The following GRID2 variants were observed in gnomAD, a reference collection of about 807,000 sequenced individuals.
The protein encoded by GRID2 is glutamate ionotropic receptor delta type subunit 2.
Under a neutral mutation model 114.8 loss-of-function variants are expected in GRID2, and 33 were observed. The observed-to-expected ratio is 0.29, with a 90% confidence interval of 0.22 to 0.38. The LOEUF is 0.38. Ranked by LOEUF, GRID2 falls within the 10% of genes least tolerant of loss-of-function variation. The probability of loss-of-function intolerance (pLI) is 1.00; values close to 1 mark genes in which losing one functional copy is unlikely to be tolerated. For synonymous variants in GRID2, 505 were observed against 449.9 expected, an observed-to-expected ratio of 1.12 and a Z score of -1.55; for missense variants, 1,184 against 1,257.7, an observed-to-expected ratio of 0.94 and a Z score of 0.89.
chr4:93,712,488 A>G (rs540346226), intron 14 of GRID2, among the ~76,000 whole-genome samples: 3 of 152,270 alleles, frequency 2.0e-5, no homozygotes, highest in African/African-American at 7.2e-5. Context: ...ATGTTTTATA[A>G]TTCTCCTTCT....
chr4:92,525,758 G>A (rs1725010158), intron 1 of GRID2, among the ~76,000 whole-genome samples: 1 of 152,054 alleles, frequency 6.6e-6, no homozygotes, highest in Non-Finnish European at 1.5e-5. Flanking sequence ...CCATAAGCAG[G>A]TGAAGATGCA....
chr4:92,771,461 G>A (rs545474888), intron 2 of GRID2, among the ~76,000 whole-genome samples: 10 of 152,168 alleles, frequency 6.6e-5, no homozygotes, highest in South Asian at 2.1e-4. Context: ...TAGAGTATAC[G>A]GTGGGGAGGT....
intron 2 of GRID2, among the ~76,000 whole-genome samples, chr4:92,973,517 T>C (rs2149174972): frequency 6.6e-6 from 1 of 152,282 alleles, no homozygotes; most frequent in South Asian, 2.1e-4. Context: ...AATACTATTC[T>C]ACCTCTATTA....
chr4:93,507,359 C>T (rs75904967), intron 12 of GRID2, among the ~76,000 whole-genome samples: 2,217 of 152,242 alleles, frequency 0.015, 53 homozygotes, highest in African/African-American at 0.05. Context: ...TTGGCTACGC[C>T]GTAAATAGGA....
At position 92,696,357 on chromosome 4, in the gene GRID2, C is replaced by T. The variant is rs190286804; in HGVS notation, c.244+106071C>T. Among the ~76,000 whole-genome samples the T allele has an allele frequency of 1.0e-3, 158 of 152,150 alleles. 2 individuals carry two copies. The highest frequency in any genetic ancestry group is 6.8e-3 in the Middle Eastern group (2 of 294). On this transcript the variant is annotated intron_variant, in intron 2 of 15. Coordinates refer to ENST00000282020, the MANE Select transcript of GRID2 (RefSeq NM_001510.4). The stretch of plus-strand genomic sequence containing the variant: ...CATGTTAATATGTTGAAGGGTAAAA[C>T]GCGAATATATATCATTGCTTAAATA...
intron 3 of GRID2, among the ~76,000 whole-genome samples, chr4:93,101,052 C>G (rs1253588727): frequency 6.6e-6 from 1 of 151,928 alleles, no homozygotes; most frequent in Non-Finnish European, 1.5e-5. Context: ...TTGTTTTGCT[C>G]AACATTCTCT....
At chr4:93,406,575 C>T (rs191049969) in intron 9 of GRID2, among the ~76,000 whole-genome samples, 134 of 152,208 alleles carry the variant, frequency 8.8e-4, no homozygotes, top group African/African-American at 3.0e-3. Context: ...TCAGAACAAT[C>T]GCCAGAGCTC....
At chr4:93,003,869 A>G (rs1721248103) in intron 2 of GRID2, among the ~76,000 whole-genome samples, 1 of 151,944 alleles carries the variant, frequency 6.6e-6, no homozygotes, top group Non-Finnish European at 1.5e-5. Context: ...TTAAACATCC[A>G]CAGGACTTTA....
chr4:93,799,664 T>C (rs1453888651), intron 1 of GRID2, among the ~76,000 whole-genome samples: 2 of 152,228 alleles, frequency 1.3e-5, no homozygotes, highest in African/African-American at 4.8e-5. Flanking sequence ...TTATCTGGTA[T>C]ATTTAATCAG....
chr4:93,675,950 G>A (rs11946557), intron 14 of GRID2, among the ~76,000 whole-genome samples: 4,656 of 152,222 alleles, frequency 0.031, 111 homozygotes, highest in African/African-American at 0.062. Context: ...CCTTCAACTG[G>A]ATAATGTTAA....
At chr4:93,665,601 T>C (rs1347170432) in intron 14 of GRID2, among the ~76,000 whole-genome samples, 2 of 152,176 alleles carry the variant, frequency 1.3e-5, no homozygotes, top group African/African-American at 4.8e-5. Context: ...ACTTCGCACC[T>C]GAGTTAGGTG....
intron 14 of GRID2, among the ~76,000 whole-genome samples, chr4:93,719,082 C>G (rs757784936): frequency 6.6e-6 from 1 of 151,536 alleles, no homozygotes; most frequent in African/African-American, 2.4e-5. Flanking sequence ...TTAAGTATAT[C>G]TATGTGAAGA....
intron 8 of GRID2, among the ~76,000 whole-genome samples, chr4:93,322,663 A>T (rs1183938576): frequency 6.6e-6 from 1 of 152,188 alleles, no homozygotes; most frequent in East Asian, 1.9e-4. Flanking sequence ...AGTCCCACTA[A>T]CAGTGAAAAG....
chr4:93,452,270 T>C (rs540091473), intron 10 of GRID2, among the ~76,000 whole-genome samples: 1 of 152,270 alleles, frequency 6.6e-6, no homozygotes, highest in Admixed American at 6.5e-5. Flanking sequence ...AGATGAGCTT[T>C]GAAGTATATC....
chr4:92,523,877 G>T (rs1172162856), intron 1 of GRID2, among the ~76,000 whole-genome samples: 1 of 151,970 alleles, frequency 6.6e-6, no homozygotes, highest in Non-Finnish European at 1.5e-5. Context: ...TTGGTTGTGG[G>T]CAAAGAGAGA....
chr4:93,765,382 C>T (rs1416794040), intron 14 of GRID2, among the ~76,000 whole-genome samples: 2 of 152,036 alleles, frequency 1.3e-5, no homozygotes, highest in Admixed American at 1.3e-4. Context: ...AAGATGAAAT[C>T]TCCCTGCAAT....
At chr4:93,109,864 A>T (rs1315843826) in intron 3 of GRID2, among the ~76,000 whole-genome samples, 1 of 152,164 alleles carries the variant, frequency 6.6e-6, no homozygotes. Flanking sequence ...GTGATATTTC[A>T]GACATTTATT....
chr4:93,589,682 GT>G (rs1162188966), intron 13 of GRID2, among the ~76,000 whole-genome samples: 1 of 151,854 alleles, frequency 6.6e-6, no homozygotes, highest in Non-Finnish European at 1.5e-5. Flanking sequence ...GTGTAAAAGT[GT>G]TCCTATTTCT....
chr4:92,696,958 G>A (rs1241905300), intron 2 of GRID2, among the ~76,000 whole-genome samples: 1 of 152,158 alleles, frequency 6.6e-6, no homozygotes, highest in African/African-American at 2.4e-5. Flanking sequence ...TGATTCAGCA[G>A]CACATGGAAT....
Sources: gnomAD v4.1 joint callset for allele counts (sites outside exome capture counted in the v4.1 genomes callset) on GRCh38, gnomAD v4.1.1 for gene constraint, MANE v1.5 for transcripts, NCBI Gene and HGNC (gene_info 2026-07-23, HGNC 2026-07-21) for gene names.